Variants in LRRC37A2 observed in about 807,000 individuals in gnomAD.
LRRC37A2 encodes the protein leucine rich repeat containing 37 member A2.
LRRC37A2 carries 9 observed loss-of-function variants against 68.8 expected under a neutral mutation model. The ratio of observed to expected loss-of-function variants is 0.13; its 90% confidence interval spans 0.08 to 0.23. The LOEUF is 0.23. Ranked by LOEUF, LRRC37A2 falls within the 10% of genes least tolerant of loss-of-function variation. The pLI, the probability that LRRC37A2 is intolerant of heterozygous loss-of-function variation, is 1.00. For missense variants in LRRC37A2, 168 were observed against 950.4 expected (o/e 0.18, Z 10.82); for synonymous variants, 63 against 367.6 (o/e 0.17, Z 9.48).
chr17:46,657,602 T>C, the LRRC37A2 span, among the ~76,000 whole-genome samples: 2 of 127,280 alleles, frequency 1.6e-5, no homozygotes, highest in African/African-American at 6.0e-5. Context: ...ATTCTTCAAG[T>C]TTCAGCTTGA....
chr17:46,858,078 C>T, the LRRC37A2 span, among the ~76,000 whole-genome samples: 57 of 152,192 alleles, frequency 3.7e-4, no homozygotes, highest in Admixed American at 2.4e-3. Context: ...TACAGGCATG[C>T]GCCACCATGC....
At chr17:46,997,776 C>T in the LRRC37A2 span, among the ~76,000 whole-genome samples, 1 of 152,032 alleles carries the variant, frequency 6.6e-6, no homozygotes, top group East Asian at 1.9e-4. Flanking sequence ...TTGAGACCAG[C>T]CTGGCCCAGA....
At chr17:46,726,661 C>T in the LRRC37A2 span, 1 of 1,486,920 alleles carries the variant, frequency 6.7e-7, no homozygotes, top group Non-Finnish European at 9.4e-7. Flanking sequence ...CACATTACAG[C>T]TAATATCTCA....
chr17:46,859,824 A>G, the LRRC37A2 span, among the ~76,000 whole-genome samples: 21 of 152,174 alleles, frequency 1.4e-4, no homozygotes, highest in African/African-American at 4.8e-4. Context: ...TGATTTGCAC[A>G]CAGGCCATAT....
At chr17:46,870,551 C>T in the LRRC37A2 span, among the ~76,000 whole-genome samples, 1 of 152,262 alleles carries the variant, frequency 6.6e-6, no homozygotes, top group Non-Finnish European at 1.5e-5. Flanking sequence ...TAGCATCTGT[C>T]TCTGCTCGGA....
chr17:47,019,610 G>A, the LRRC37A2 span: 4 of 1,449,540 alleles, frequency 2.8e-6, no homozygotes, highest in Non-Finnish European at 2.9e-6. Context: ...CATTGGTGCA[G>A]TCTGAAAGTT....
At chr17:46,859,366 A>G in the LRRC37A2 span, among the ~76,000 whole-genome samples, 7 of 152,194 alleles carry the variant, frequency 4.6e-5, no homozygotes, top group African/African-American at 7.2e-5. Flanking sequence ...TATTTTGCAT[A>G]TGAATGTCCA....
the LRRC37A2 span, among the ~76,000 whole-genome samples, chr17:46,849,192 T>C: frequency 6.6e-6 from 1 of 152,330 alleles, no homozygotes; most frequent in African/African-American, 2.4e-5. Flanking sequence ...TCCATCTAAA[T>C]ATTTTCCTCG....
chr17:46,520,968 C>G (rs1425069495), intron 4 of LRRC37A2, among the ~76,000 whole-genome samples: 1 of 81,380 alleles, frequency 1.2e-5, no homozygotes, highest in African/African-American at 3.6e-5. Flanking sequence ...GAATATTAAG[C>G]TACCAAGAGA....
chr17:46,931,961 A>T, the LRRC37A2 span: 1 of 926,174 alleles, frequency 1.1e-6, no homozygotes. Flanking sequence ...GGGGTGGTGT[A>T]GGGAGAAGTA....
At chr17:46,870,755 G>A in the LRRC37A2 span, among the ~76,000 whole-genome samples, 8 of 152,306 alleles carry the variant, frequency 5.3e-5, no homozygotes, top group African/African-American at 1.4e-4. Context: ...AAAGAGGAGA[G>A]CTGTGCCCTT....
the LRRC37A2 span, among the ~76,000 whole-genome samples, chr17:46,954,197 T>A: frequency 6.6e-6 from 1 of 152,260 alleles, no homozygotes; most frequent in Admixed American, 6.5e-5. Flanking sequence ...TAATCCATCT[T>A]GAATTAACTT....
the LRRC37A2 span, among the ~76,000 whole-genome samples, chr17:46,477,526 G>T: frequency 1.6e-5 from 1 of 60,854 alleles, no homozygotes; most frequent in East Asian, 2.8e-4. Flanking sequence ...CTGGGTGACA[G>T]AGCGAGATTC....
At chr17:46,857,777 T>C in the LRRC37A2 span, among the ~76,000 whole-genome samples, 4 of 152,224 alleles carry the variant, frequency 2.6e-5, no homozygotes, top group African/African-American at 9.6e-5. Flanking sequence ...AAGTATGTAG[T>C]AGTATCTCAT....
the LRRC37A2 span, among the ~76,000 whole-genome samples, chr17:46,502,236 A>G: frequency 6.6e-6 from 1 of 151,080 alleles, no homozygotes; most frequent in African/African-American, 2.5e-5. Context: ...CATTCATATT[A>G]GATTTATTTA....
At chr17:46,743,868 G>A in the LRRC37A2 span, among the ~76,000 whole-genome samples, 399 of 152,210 alleles carry the variant, frequency 2.6e-3, no homozygotes, top group Non-Finnish European at 3.9e-3. Context: ...AGCATCCCGA[G>A]TCTGCCTTTT....
chr17:46,872,871 G>A, the LRRC37A2 span: 412,451 of 1,400,286 alleles, frequency 0.29, 63,640 homozygotes, highest in East Asian at 0.43. Context: ...CCTGGCTCCC[G>A]TGCCCAGGCC....
At chr17:46,745,055 T>G in the LRRC37A2 span, among the ~76,000 whole-genome samples, 1 of 152,124 alleles carries the variant, frequency 6.6e-6, no homozygotes, top group Admixed American at 6.6e-5. Flanking sequence ...TTTTTTTTGC[T>G]TTCCGTCAAG....
chr17:46,922,188 A>G, the LRRC37A2 span, among the ~76,000 whole-genome samples: 1 of 152,360 alleles, frequency 6.6e-6, no homozygotes, highest in East Asian at 1.9e-4. Context: ...TTGTAGGGAC[A>G]CGGATGAAGC....
Sources: gnomAD v4.1 joint callset for allele counts (sites outside exome capture counted in the v4.1 genomes callset) on GRCh38, gnomAD v4.1.1 for gene constraint, MANE v1.5 for transcripts, NCBI Gene and HGNC (gene_info 2026-07-23, HGNC 2026-07-21) for gene names.